The following CDCP1 variants were observed in gnomAD, a reference collection of about 807,000 sequenced individuals.
CDCP1 encodes CUB domain containing protein 1.
A neutral mutation model predicts 60.2 loss-of-function variants in CDCP1; 29 were observed. The ratio of observed to expected loss-of-function variants is 0.48; its 90% confidence interval spans 0.36 to 0.66. The LOEUF is 0.66. CDCP1 is among the 30% of genes least tolerant of loss of function. CDCP1 has a pLI of 0.00. For missense variants in CDCP1, 876 were observed against 1,074.3 expected (o/e 0.82, Z 2.58); for synonymous variants, 387 against 431.1 (o/e 0.90, Z 1.27).
At chr3:45,086,488 AG>A (rs1698196774) in intron 8 of CDCP1, among the ~76,000 whole-genome samples, 1 of 152,214 alleles carries the variant, frequency 6.6e-6, no homozygotes, top group Non-Finnish European at 1.5e-5. Context: ...CCGCACTCTT[AG>A]TACTTTCCCG....
chr3:45,112,460 C>G lies in CDCP1; in HGVS notation c.293-15G>C, dbSNP rs961528805. The G allele has an allele frequency of 6.2e-7, 1 of 1,606,330 alleles. No individual in the cohort carries two copies. Among genetic ancestry groups the G allele is most frequent in the Non-Finnish European group, 8.5e-7 (1 of 1,174,828 alleles). On this transcript the variant is annotated splice_polypyrimidine_tract_variant and intron_variant, in intron 2 of 8. Coordinates refer to ENST00000296129, the MANE Select transcript of CDCP1 (RefSeq NM_022842.5). ...TGACATACAGTCTGAAAAACAGTCA[C>G]AGAAGCAATTTTGATCACAGATGCT...
At chr3:45,102,352 G>A (rs1478666346) in intron 4 of CDCP1, among the ~76,000 whole-genome samples, 1 of 152,018 alleles carries the variant, frequency 6.6e-6, no homozygotes, top group East Asian at 1.9e-4. Flanking sequence ...TTACAGGCAT[G>A]AGCCACCTTG....
intron 1 of CDCP1, among the ~76,000 whole-genome samples, chr3:45,143,903 A>G (rs1699337721): frequency 6.6e-6 from 1 of 152,300 alleles, no homozygotes; most frequent in South Asian, 2.1e-4. Context: ...GTAGCTCCTC[A>G]TTTGAATCGG....
chr3:45,099,112 A>ATCTTT (rs994692334), intron 4 of CDCP1, among the ~76,000 whole-genome samples: 1 of 147,286 alleles, frequency 6.8e-6, no homozygotes, highest in Non-Finnish European at 1.5e-5. Flanking sequence ...TCCTGGATCC[A>ATCTTT]TCTTTTCTTT....
At chr3:45,097,443 C>T (rs974150912) in intron 4 of CDCP1, among the ~76,000 whole-genome samples, 1 of 151,502 alleles carries the variant, frequency 6.6e-6, no homozygotes, top group African/African-American at 2.4e-5. Flanking sequence ...GAAAGCTCTA[C>T]ACCACAGATG....
intron 2 of CDCP1, among the ~76,000 whole-genome samples, chr3:45,113,359 C>G (rs1056513963): frequency 6.6e-6 from 1 of 152,038 alleles, no homozygotes; most frequent in African/African-American, 2.4e-5. Context: ...GTTTCCTAAG[C>G]CTTTTAAAAC....
At chr3:45,139,565 A>G (rs1172998509) in intron 1 of CDCP1, 1 of 152,276 alleles carries the variant, frequency 6.6e-6, no homozygotes, top group African/African-American at 2.4e-5. Context: ...GACACGGGCA[A>G]TGTAGCAGTG....
intron 1 of CDCP1, among the ~76,000 whole-genome samples, chr3:45,140,345 C>T (rs958206433): frequency 6.6e-6 from 1 of 152,244 alleles, no homozygotes; most frequent in Non-Finnish European, 1.5e-5. Context: ...ACATTTCTCC[C>T]GGAACCCTTT....
At chr3:45,126,183 T>C (rs1476608172) in intron 1 of CDCP1, among the ~76,000 whole-genome samples, 1 of 100,098 alleles carries the variant, frequency 1.0e-5, no homozygotes, top group Non-Finnish European at 2.0e-5. Flanking sequence ...TCCTTCTTTC[T>C]CTCTCTCTCT....
intron 4 of CDCP1, among the ~76,000 whole-genome samples, chr3:45,100,506 G>A (rs924470017): frequency 4.6e-5 from 7 of 152,184 alleles, no homozygotes; most frequent in African/African-American, 1.7e-4. Context: ...AGGCTTTGCA[G>A]GATAAAGCAG....
intron 4 of CDCP1, among the ~76,000 whole-genome samples, chr3:45,106,221 G>C (rs1392516350): frequency 6.6e-6 from 1 of 152,002 alleles, no homozygotes; most frequent in African/African-American, 2.4e-5. Context: ...TTGTAGCCTG[G>C]GCCCACTGTG....
At chr3:45,124,340 T>C (rs1397259380) in intron 1 of CDCP1, among the ~76,000 whole-genome samples, 1 of 152,196 alleles carries the variant, frequency 6.6e-6, no homozygotes, top group African/African-American at 2.4e-5. Context: ...TGTAGACGAA[T>C]TGGAACAAGT....
At chr3:45,126,180 T>TTCTC (rs1339251317) in intron 1 of CDCP1, among the ~76,000 whole-genome samples, 5 of 123,396 alleles carry the variant, frequency 4.1e-5, no homozygotes, top group Non-Finnish European at 8.3e-5. Flanking sequence ...CTTTCCTTCT[T>TTCTC]TCTCTCTCTC....
intron 4 of CDCP1, among the ~76,000 whole-genome samples, chr3:45,107,285 C>T (rs553109858): frequency 1.3e-5 from 2 of 152,064 alleles, no homozygotes; most frequent in Non-Finnish European, 2.9e-5. Context: ...TGGCTCACCA[C>T]AACCTCCACC....
At chr3:45,110,308 C>G in intron 4 of CDCP1, 165 bp downstream of exon 4, 1 of 1,441,878 alleles carries the variant, frequency 6.9e-7, no homozygotes. Context: ...ACAAGCCTGT[C>G]TAACTGCCTA....
chr3:45,121,012 G>C (rs766442371), intron 1 of CDCP1, among the ~76,000 whole-genome samples: 5 of 152,070 alleles, frequency 3.3e-5, no homozygotes, highest in Non-Finnish European at 5.9e-5. Context: ...GTAGCCCCAC[G>C]ACCAAGGCAG....
intron 1 of CDCP1, among the ~76,000 whole-genome samples, chr3:45,143,690 T>C (rs571249512): frequency 2.6e-5 from 4 of 152,068 alleles, no homozygotes; most frequent in Admixed American, 6.5e-5. Flanking sequence ...CCTTCCCCCA[T>C]ATTGATAGCC....
intron 4 of CDCP1, among the ~76,000 whole-genome samples, chr3:45,108,926 TGCATGTATACATATATATATATATA>T (rs1698634546): frequency 1.7e-5 from 1 of 57,212 alleles, no homozygotes; most frequent in African/African-American, 5.9e-5. Flanking sequence ...TATATATATA[TGCATGTATACATATATATATATATA>T]TATTTTTTTT....
At chr3:45,122,142 G>GT (rs1299000421) in intron 1 of CDCP1, among the ~76,000 whole-genome samples, 18 of 130,582 alleles carry the variant, frequency 1.4e-4, no homozygotes, top group Admixed American at 5.6e-4. Flanking sequence ...TGTATAATCT[G>GT]TATTTTTTTT....
Sources: gnomAD v4.1 joint callset for allele counts (sites outside exome capture counted in the v4.1 genomes callset) on GRCh38, gnomAD v4.1.1 for gene constraint, MANE v1.5 for transcripts, NCBI Gene and HGNC (gene_info 2026-07-23, HGNC 2026-07-21) for gene names.